The following ADGRF4 variants were observed in gnomAD, a reference collection of about 807,000 sequenced individuals.
ADGRF4 encodes G-protein coupled receptor PGR18.
ADGRF4 carries 63 observed loss-of-function variants against 58.5 expected under a neutral mutation model. The observed-to-expected ratio is 1.08, with a 90% CI of 0.88 to 1.33. The LOEUF (loss-of-function observed/expected upper bound fraction) is 1.33, where lower values mean the gene tolerates loss of function less well. Among genes scored for constraint, ADGRF4 ranks in the 40% most tolerant of loss-of-function variants. The pLI is 0.00. For missense variants in ADGRF4, 931 were observed against 843.9 expected (o/e 1.10, Z -1.28); for synonymous variants, 313 against 295.4 (o/e 1.06, Z -0.61).
At chr6:47,712,650 A>C in intron 5 of ADGRF4, 42 bp downstream of exon 5, 1 of 1,482,058 alleles carries the variant, frequency 6.7e-7, no homozygotes, top group Non-Finnish European at 9.3e-7. Flanking sequence ...TTTTCTTAAA[A>C]TTTTCATTTG....
Position 47,714,272 on chromosome 6 carries a change from C to A in ADGRF4, c.1027C>A (p.Arg343Ser). 1 of 1,614,122 alleles carries A rather than the reference C, an allele frequency of 6.2e-7. No homozygotes were observed. ...CACCTTCGAAAAGATCAATAAAACC[C>A]GCAATGCCAGAGCCCAGTGTGTTGG... is the stretch of plus-strand genomic sequence containing the variant. ...ILTFEKINKTRNARAQCVGWH... is the reference protein window; with the variant it reads ...ILTFEKINKTSNARAQCVGWH... Residue 343 changes from arginine to serine, a missense_variant, in exon 6 of 10, where the codon CGC becomes AGC. Coordinates refer to ENST00000283303, the MANE Select transcript of ADGRF4 (RefSeq NM_153838.5).
intron 3 of ADGRF4, among the ~76,000 whole-genome samples, chr6:47,708,782 A>T (rs1221609813): frequency 6.6e-6 from 1 of 152,220 alleles, no homozygotes; most frequent in Non-Finnish European, 1.5e-5. Context: ...GTTCTCACTC[A>T]TGTAGTAGGG....
chr6:47,707,179 T>C, intron 1 of ADGRF4, 51 bp from the exon 2 acceptor site: 1 of 957,756 alleles, frequency 1.0e-6, no homozygotes, highest in Non-Finnish European at 1.7e-6. Context: ...GTATTGTTAG[T>C]TGCGTGAAGT....
chr6:47,699,965 C>G (rs1402474518), intron 1 of ADGRF4, among the ~76,000 whole-genome samples: 3 of 149,842 alleles, frequency 2.0e-5, no homozygotes, highest in Non-Finnish European at 4.4e-5. Flanking sequence ...TCACTTAACT[C>G]TTAGGTTCCT....
chr6:47,705,761 T>C (rs897703702), intron 1 of ADGRF4, among the ~76,000 whole-genome samples: 2 of 152,278 alleles, frequency 1.3e-5, no homozygotes, highest in Admixed American at 1.3e-4. Flanking sequence ...ATGAACCTAG[T>C]TGGATCAGGA....
At position 47,712,475 on chromosome 6, in the gene ADGRF4, C is replaced by G. The variant is rs1467198313; in HGVS notation, c.419C>G (p.Pro140Arg). The G allele has an allele frequency of 5.0e-6, 8 of 1,614,044 alleles. No homozygotes were observed. The highest frequency in any genetic ancestry group is 6.8e-6 in the Non-Finnish European group (8 of 1,179,980). The change falls in exon 5 of 10, where the codon CCC becomes CGC. Residue 140 changes from proline (P) to arginine (R), a missense_variant. Pro to Arg is a moderately radical substitution (Grantham distance 103). Coordinates refer to ENST00000283303, the MANE Select transcript of ADGRF4 (RefSeq NM_153838.5). ...GCTCAAGGAATCCGTAAGAACTGCC[C>G]CTTTGATTATGCCTGCATCACTGAC... is the stretch of plus-strand genomic sequence containing the variant. ...SVAQGIRKNC[P>R]FDYACITDMV...
At chr6:47,700,308 C>T (rs868274867) in intron 1 of ADGRF4, among the ~76,000 whole-genome samples, 2 of 152,186 alleles carry the variant, frequency 1.3e-5, no homozygotes, top group African/African-American at 2.4e-5. Flanking sequence ...CCGCACTCAG[C>T]GTGTTCAGAC....
Position 47,713,851 on chromosome 6 carries a change from G to C in ADGRF4, c.606G>C (p.Trp202Cys). ...HILDTAAISN[W>C]AFIPNKNASS... ...TCGACACAGCAGCCATTTCAAACTG[G>C]GCTTTCATTCCCAACAAAAATGCCA... Residue 202 changes from tryptophan to cysteine, a missense_variant, in exon 6 of 10, where the codon TGG (tryptophan) becomes TGC (cysteine). Physicochemically the swap from Trp to Cys is radical, Grantham distance 215. Coordinates refer to ENST00000283303, the MANE Select transcript of ADGRF4 (RefSeq NM_153838.5). The C allele has an allele frequency of 1.3e-6, 2 of 1,592,646 alleles. No homozygotes were observed. Among genetic ancestry groups the C allele is most frequent in the South Asian group, 2.3e-5 (2 of 86,428 alleles).
Position 47,709,006 on chromosome 6 carries a change from C to T in ADGRF4, c.148+728C>T, listed in dbSNP as rs118005149. ...ACTATATGGAAGAAGAAAATGAGAACTACTCTGGTTAATGAACTTGCAAAA... is the reference window on the plus strand; with the variant it reads ...ACTATATGGAAGAAGAAAATGAGAATTACTCTGGTTAATGAACTTGCAAAA... On this transcript the variant is annotated intron_variant, in intron 3 of 9. Coordinates refer to ENST00000283303, the MANE Select transcript of ADGRF4 (RefSeq NM_153838.5). 1.6e-4 allele frequency among the ~76,000 whole-genome samples: 24 copies of T among 150,968 alleles called. No individual in the cohort carries two copies. In the East Asian group the frequency reaches 4.2e-3, roughly 27 times the overall value.
At chr6:47,708,168 G>C in intron 2 of ADGRF4, 56 bp from the exon 3 acceptor site, 1 of 1,321,302 alleles carries the variant, frequency 7.6e-7, no homozygotes, top group Admixed American at 1.7e-5. Context: ...TCTAAGCTGA[G>C]ATGAGGGAGC....
intron 1 of ADGRF4, among the ~76,000 whole-genome samples, chr6:47,705,043 C>T (rs1303774143): frequency 6.6e-6 from 1 of 152,170 alleles, no homozygotes; most frequent in African/African-American, 2.4e-5. Flanking sequence ...ATTCTCCTGC[C>T]TCAGCATCCA....
intron 1 of ADGRF4, among the ~76,000 whole-genome samples, chr6:47,702,763 G>A (rs1208909235): frequency 6.6e-6 from 1 of 152,190 alleles, no homozygotes; most frequent in African/African-American, 2.4e-5. Context: ...ACACAATTTT[G>A]TTGACAAACT....
At chr6:47,710,184 T>G (rs1325023956) in intron 3 of ADGRF4, among the ~76,000 whole-genome samples, 1 of 152,196 alleles carries the variant, frequency 6.6e-6, no homozygotes, top group African/African-American at 2.4e-5. Flanking sequence ...GGAGCAATTG[T>G]TCAGAACACT....
In ADGRF4 at chr6:47,707,239, C is replaced by T; in HGVS notation, c.-7C>T. 6.3e-7 allele frequency: 1 copy of T among 1,591,236 alleles called. No individual in the cohort carries two copies. Among genetic ancestry groups the T allele is most frequent in the Non-Finnish European group, 8.6e-7 (1 of 1,159,256 alleles). On this transcript the variant is annotated 5_prime_UTR_variant, in exon 2 of 10. Transcript: ENST00000283303. Reference sequence around the variant, plus strand: ...TCTTTCTCTATTGCAGGTGAAGATCCTCATGTATGAAAATGAAGTCCCAGG... The same window carrying T: ...TCTTTCTCTATTGCAGGTGAAGATCTTCATGTATGAAAATGAAGTCCCAGG...
Position 47,714,943 on chromosome 6 carries a change from G to A in ADGRF4, c.1698G>A (p.Ala566=), listed in dbSNP as rs115499165. Residue 566 remains alanine (A), a synonymous_variant, in exon 6 of 10, where the codon GCG becomes GCA. Coordinates refer to ENST00000283303, the MANE Select transcript of ADGRF4 (RefSeq NM_153838.5). ...CCCTTTTAGCATTTGCCATCCCGGCGTTCGTCATTGTGGCTGTAAATCTGA... is the reference window on the plus strand; with the variant it reads ...CCCTTTTAGCATTTGCCATCCCGGCATTCGTCATTGTGGCTGTAAATCTGA... ...TKALLAFAIP[A]FVIVAVNLIV... 2,282 of 1,613,658 alleles carry A rather than the reference G, an allele frequency of 1.4e-3. 22 individuals carry two copies. The highest frequency in any genetic ancestry group is 0.014 in the African/African-American group (1,017 of 75,022).
chr6:47,700,772 T>C (rs1258659814), intron 1 of ADGRF4, among the ~76,000 whole-genome samples: 1 of 152,218 alleles, frequency 6.6e-6, no homozygotes, highest in Non-Finnish European at 1.5e-5. Flanking sequence ...CCCTCTGAGA[T>C]AGAAAAGTTG....
chr6:47,708,692 G>A (rs539572945), intron 3 of ADGRF4, among the ~76,000 whole-genome samples: 1 of 152,320 alleles, frequency 6.6e-6, no homozygotes, highest in East Asian at 1.9e-4. Context: ...GGACATCATG[G>A]TGATGAGACT....
rs747695880 is a variant in ADGRF4, at chr6:47,717,364, C to T, written c.2034+13C>T. The T allele has an allele frequency of 1.7e-5, 27 of 1,588,206 alleles. No homozygotes were observed. Among genetic ancestry groups the T allele is most frequent in the Admixed American group, 3.3e-5 (2 of 59,970 alleles). On this transcript the variant is annotated intron_variant, in intron 8 of 9. Transcript: ENST00000283303. ...GAGGGCAGCTGAGGTAAGCCTTCCC[C>T]TTTTAGTCTCAGCCCTGGAGAGTCC...
At chr6:47,717,235 A>G in intron 7 of ADGRF4, 57 bp from the exon 8 acceptor site, 1 of 1,248,166 alleles carries the variant, frequency 8.0e-7, no homozygotes, top group Non-Finnish European at 1.2e-6. Flanking sequence ...AGGACAGGCA[A>G]TTCTGTTGTT....
Sources: gnomAD v4.1 joint callset for allele counts (sites outside exome capture counted in the v4.1 genomes callset) on GRCh38, gnomAD v4.1.1 for gene constraint, MANE v1.5 for transcripts, NCBI Gene and HGNC (gene_info 2026-07-23, HGNC 2026-07-21) for gene names.